The following EYA1 variants were observed in gnomAD, a reference collection of about 807,000 sequenced individuals.
EYA1 encodes the protein protein phosphatase EYA1.
In EYA1, 16 loss-of-function variants were observed where a neutral mutation model predicts 82.0. The observed-to-expected ratio is 0.20, with a 90% CI of 0.13 to 0.30. EYA1 has a LOEUF of 0.30. Ranked by LOEUF, EYA1 falls within the 10% of genes least tolerant of loss-of-function variation. The probability of loss-of-function intolerance (pLI) is 1.00; values close to 1 mark genes in which losing one functional copy is unlikely to be tolerated. For missense variants in EYA1, 633 were observed against 730.7 expected (o/e 0.87, Z 1.54); for synonymous variants, 261 against 264.4 (o/e 0.99, Z 0.12).
At chr8:71,301,110 C>T (rs999119192) in intron 7 of EYA1, among the ~76,000 whole-genome samples, 1 of 152,144 alleles carries the variant, frequency 6.6e-6, no homozygotes, top group African/African-American at 2.4e-5. Context: ...AAGGAGGAAT[C>T]TCTTCAATGT....
intron 9 of EYA1, among the ~76,000 whole-genome samples, chr8:71,272,487 C>T (rs1427853676): frequency 1.3e-5 from 2 of 152,156 alleles, no homozygotes; most frequent in Non-Finnish European, 2.9e-5. Context: ...CACTGTCCAT[C>T]ACCGGCTCTT....
intron 2 of EYA1, among the ~76,000 whole-genome samples, chr8:71,501,953 A>T (rs78515205): frequency 0.054 from 8,221 of 152,290 alleles, 328 homozygotes; most frequent in South Asian, 0.14. Context: ...AATTTTTTAG[A>T]CTCAACAAAG....
intron 5 of EYA1, 58 bp from the exon 6 acceptor site, chr8:71,321,937 A>G (rs1053844400): frequency 6.2e-7 from 1 of 1,601,308 alleles, no homozygotes; most frequent in African/African-American, 1.3e-5. Context: ...AAACATGCAA[A>G]CCGATTAACA....
At chr8:71,300,632 A>G (rs747069755) in intron 7 of EYA1, among the ~76,000 whole-genome samples, 2 of 151,872 alleles carry the variant, frequency 1.3e-5, no homozygotes, top group Non-Finnish European at 2.9e-5. Flanking sequence ...CATTTACTCT[A>G]AGAAAAAAAA....
intron 2 of EYA1, among the ~76,000 whole-genome samples, chr8:71,473,207 C>A (rs919646136): frequency 5.9e-5 from 9 of 151,914 alleles, no homozygotes; most frequent in Non-Finnish European, 8.8e-5. Flanking sequence ...CAAATGGGAT[C>A]TAATTAAACT....
chr8:71,264,919 G>T (rs1001575846), intron 11 of EYA1, among the ~76,000 whole-genome samples: 1 of 152,074 alleles, frequency 6.6e-6, no homozygotes, highest in African/African-American at 2.4e-5. Context: ...AAACAATTCC[G>T]CAAGTCACGT....
At chr8:71,428,099 G>A (rs1369088925) in intron 2 of EYA1, among the ~76,000 whole-genome samples, 1 of 152,134 alleles carries the variant, frequency 6.6e-6, no homozygotes, top group Non-Finnish European at 1.5e-5. Flanking sequence ...GAATGGTTAA[G>A]TTGCCATAAG....
intron 4 of EYA1, among the ~76,000 whole-genome samples, chr8:71,331,787 G>A (rs1823905128): frequency 6.6e-6 from 1 of 152,120 alleles, no homozygotes; most frequent in South Asian, 2.1e-4. Context: ...ATTATTGACA[G>A]TGCTTCCTTA....
chr8:71,441,167 A>T (rs1183739645), intron 2 of EYA1, among the ~76,000 whole-genome samples: 1 of 152,192 alleles, frequency 6.6e-6, no homozygotes, highest in African/African-American at 2.4e-5. Flanking sequence ...TAAGACATGA[A>T]CACTGTATAT....
At chr8:71,516,190 T>A (rs1812965805) in intron 2 of EYA1, among the ~76,000 whole-genome samples, 1 of 152,174 alleles carries the variant, frequency 6.6e-6, no homozygotes, top group Non-Finnish European at 1.5e-5. Flanking sequence ...ATTCTTTCAT[T>A]CATTTATTCA....
At chr8:71,446,597 T>A (rs1478005959) in intron 2 of EYA1, among the ~76,000 whole-genome samples, 1 of 152,180 alleles carries the variant, frequency 6.6e-6, no homozygotes, top group Non-Finnish European at 1.5e-5. Flanking sequence ...AAATTTTGCT[T>A]TGTATTTCTT....
intron 3 of EYA1, among the ~76,000 whole-genome samples, chr8:71,334,570 G>A (rs1586424391): frequency 6.6e-6 from 1 of 152,180 alleles, no homozygotes; most frequent in Non-Finnish European, 1.5e-5. Context: ...AAGATGTGGG[G>A]AAGCAGGAAG....
chr8:71,467,471 T>C (rs1483301193), intron 2 of EYA1, among the ~76,000 whole-genome samples: 1 of 152,146 alleles, frequency 6.6e-6, no homozygotes, highest in Non-Finnish European at 1.5e-5. Flanking sequence ...AAGTTGTTGT[T>C]GTGTTTTGCT....
intron 12 of EYA1, among the ~76,000 whole-genome samples, chr8:71,235,690 C>T (rs921312378): frequency 6.6e-6 from 1 of 152,136 alleles, no homozygotes; most frequent in African/African-American, 2.4e-5. Context: ...GCTGTATCCC[C>T]AGTAGTTAGA....
Position 71,241,813 on chromosome 8 carries a change from AT to A in EYA1, c.1140+2789del, listed in dbSNP as rs59559300. 5.1e-3 allele frequency among the ~76,000 whole-genome samples: 753 copies of A among 146,622 alleles called. 4 individuals are homozygous for A. The highest frequency in any genetic ancestry group is 0.016 in the East Asian group (82 of 5,010). On this transcript the variant is annotated intron_variant, in intron 12 of 17. Coordinates refer to ENST00000340726, the MANE Select transcript of EYA1 (RefSeq NM_000503.6). ...TCTTAGGAGCATTATGCCAATAGAC[AT>A]TTTTTTTTTTTTGCCAGAAAATAAT...
chr8:71,456,791 T>G (rs1180294603), intron 2 of EYA1, among the ~76,000 whole-genome samples: 1 of 152,104 alleles, frequency 6.6e-6, no homozygotes, highest in Non-Finnish European at 1.5e-5. Flanking sequence ...AGGTTTGACC[T>G]AAAACCATAA....
chr8:71,390,593 G>A (rs575137817), intron 2 of EYA1, among the ~76,000 whole-genome samples: 10 of 152,138 alleles, frequency 6.6e-5, no homozygotes, highest in Non-Finnish European at 1.5e-4. Context: ...ATGTGAAGCT[G>A]TTCCATAAAA....
At chr8:71,239,569 A>G (rs1812232586) in intron 12 of EYA1, among the ~76,000 whole-genome samples, 1 of 152,216 alleles carries the variant, frequency 6.6e-6, no homozygotes, top group African/African-American at 2.4e-5. Context: ...CAGTCTGTGT[A>G]CAGGGTTGAA....
intron 12 of EYA1, 129 bp downstream of exon 12, chr8:71,244,474 G>A: frequency 1.6e-6 from 1 of 615,542 alleles, no homozygotes; most frequent in Non-Finnish European, 2.9e-6. Flanking sequence ...AAAACACATT[G>A]CCATATTACC....
Sources: allele counts gnomAD v4.1 joint callset (sites outside exome capture counted in the v4.1 genomes callset), GRCh38; gene constraint gnomAD v4.1.1; transcripts MANE v1.5; gene names NCBI Gene and HGNC (gene_info 2026-07-23, HGNC 2026-07-21).